The following TPR variants were observed in gnomAD, a reference collection of about 807,000 sequenced individuals.
TPR encodes the protein nucleoprotein TPR.
A neutral mutation model predicts 316.1 loss-of-function variants in TPR; 51 were observed. The observed-to-expected ratio is 0.16, with a 90% CI of 0.13 to 0.20. The LOEUF (loss-of-function observed/expected upper bound fraction) is 0.20, where lower values mean the gene tolerates loss of function less well. Among genes scored for constraint, TPR ranks in the 10% least tolerant of loss-of-function variants. The probability of loss-of-function intolerance (pLI) is 1.00; values close to 1 mark genes in which losing one functional copy is unlikely to be tolerated. For missense variants in TPR, 2,272 were observed against 2,754.8 expected (o/e 0.82, Z 3.92); for synonymous variants, 981 against 914.7 (o/e 1.07, Z -1.31).
chr1:186,347,207 G>A, intron 22 of TPR, 85 bp downstream of exon 22: 1 of 1,427,478 alleles, frequency 7.0e-7, no homozygotes, highest in Non-Finnish European at 9.6e-7. Context: ...TCATACGAGT[G>A]CCTTAAAAAA....
intron 4 of TPR, among the ~76,000 whole-genome samples, chr1:186,367,194 T>C (rs994451787): frequency 1.3e-5 from 2 of 151,378 alleles, no homozygotes; most frequent in Non-Finnish European, 2.9e-5. Flanking sequence ...GCCTACAAAG[T>C]AGCTGGGATT....
intron 22 of TPR, among the ~76,000 whole-genome samples, chr1:186,346,715 C>T (rs1030913837): frequency 6.6e-6 from 1 of 152,004 alleles, no homozygotes; most frequent in Non-Finnish European, 1.5e-5. Context: ...TCCAATCTAC[C>T]ACATTAATTT....
At position 186,327,469 on chromosome 1, in the gene TPR, T is replaced by G. The variant is rs1050421705; in HGVS notation, c.5880A>C (p.Gly1960=). ...TTCAAATCAAACTTACCTCATGTTC[T>G]CCATCATTTTCATCATCATCCTCTT... The part of the protein sequence containing the change: ...DEEEDDDEND[G]EHEDYEEDEE... The change falls in exon 40 of 51, where the codon GGA becomes GGC. Residue 1960 remains glycine (G), a synonymous_variant. Transcript: ENST00000367478. 6.8e-6 allele frequency: 11 copies of G among 1,609,860 alleles called. No homozygotes were observed. The African/African-American group carries it at 1.4e-4, about 20-fold the overall frequency.
At chr1:186,322,706 T>C in intron 43 of TPR, 120 bp from the exon 44 acceptor site, 2 of 978,304 alleles carry the variant, frequency 2.0e-6, no homozygotes, top group Non-Finnish European at 3.1e-6. Context: ...GACAGGTAAT[T>C]AGGACATTTT....
In TPR at chr1:186,374,574, A is replaced by T. The variant is rs944334959; in HGVS notation, c.151+304T>A. Among the ~76,000 whole-genome samples the T allele has an allele frequency of 4.6e-5, 7 of 152,316 alleles. No homozygotes were observed. In the South Asian group the frequency reaches 1.0e-3, roughly 23 times the overall value. On this transcript the variant is annotated intron_variant, in intron 1 of 50. Transcript: ENST00000367478. ...AAAACATATAAGGTACTCTAGGCTT[A>T]GAGAGATGGGTTCGCAGACTCTATC...
chr1:186,364,243 T>C (rs1250287152), intron 4 of TPR, among the ~76,000 whole-genome samples: 1 of 152,222 alleles, frequency 6.6e-6, no homozygotes, highest in Non-Finnish European at 1.5e-5. Flanking sequence ...ATGTTGGAAG[T>C]ACTTCTTCTA....
chr1:186,342,823 T>C (rs980097474), intron 27 of TPR: 6 of 152,240 alleles, frequency 3.9e-5, no homozygotes, highest in African/African-American at 1.4e-4. Context: ...CTACCACAGC[T>C]TCTTTTCCTT....
chr1:186,344,387 C>T lies in TPR; in HGVS notation c.3405G>A (p.Glu1135=). The change falls in exon 25 of 51, where the codon GAG becomes GAA. Residue 1135 remains glutamate, a synonymous_variant. Coordinates refer to ENST00000367478, the MANE Select transcript of TPR (RefSeq NM_003292.3). ...TTTACAATAATACCTTTAACATTCTCTCTCTTTCCTCCCAAGATGCTTTAC... is the reference window on the plus strand; with the variant it reads ...TTTACAATAATACCTTTAACATTCTTTCTCTTTCCTCCCAAGATGCTTTAC... ...LECKASWEER[E]RMLKDEVSKC... 1 of 1,613,686 alleles carries T rather than the reference C, an allele frequency of 6.2e-7. No individual in the cohort carries two copies. The highest frequency in any genetic ancestry group is 1.7e-5 in the Admixed American group (1 of 59,922).
chr1:186,353,947 G>T, intron 17 of TPR, 97 bp from the exon 18 acceptor site: 1 of 1,099,516 alleles, frequency 9.1e-7, no homozygotes, highest in Non-Finnish European at 1.3e-6. Flanking sequence ...TTCCCCAAAT[G>T]CCCTGAGAAT....
intron 20 of TPR, 88 bp downstream of exon 20, chr1:186,351,242 C>T (rs1558021275): frequency 8.6e-6 from 12 of 1,392,668 alleles, no homozygotes; most frequent in Non-Finnish European, 1.0e-5. Context: ...CAAAATCATG[C>T]TTCATCTTGG....
chr1:186,334,662 G>A (rs1658284394), intron 35 of TPR, 129 bp from the exon 36 acceptor site: 3 of 979,336 alleles, frequency 3.1e-6, no homozygotes, highest in Non-Finnish European at 4.4e-6. Flanking sequence ...AAGCTGTTTT[G>A]AATTTAAGCA....
Position 186,313,480 on chromosome 1 carries a change from T to C in TPR, c.*491A>G. The C allele has an allele frequency of 1.9e-6, 1 of 525,950 alleles. No individual in the cohort carries two copies. Among genetic ancestry groups the C allele is most frequent in the Non-Finnish European group, 3.4e-6 (1 of 297,248 alleles). The allele number at this position is 525,950 out of a possible 1,614,324, so 32.6% of individuals were successfully genotyped here. The stretch of plus-strand genomic sequence containing the variant: ...CTGATTTTACAAAAAGATGGTGAAA[T>C]GTCAATCTTTTGAAACATCAAAAAA... On this transcript the variant is annotated 3_prime_UTR_variant, in exon 51 of 51. Transcript: ENST00000367478.
rs539019453 is a variant in TPR, at chr1:186,323,757, G to C, written c.6226C>G (p.Arg2076Gly). The change falls in exon 43 of 51, where the codon CGC (arginine) becomes GGC (glycine). Residue 2076 changes from arginine to glycine, a missense_variant. Arg to Gly is a moderately radical substitution (Grantham distance 125). Coordinates refer to ENST00000367478, the MANE Select transcript of TPR (RefSeq NM_003292.3). ...QAPRAPQSPR[R>G]PPHPLPPRLT... ...CTTGGGGGAAGTGGATGTGGTGGGC[G>C]TCTCGGTGACTGAGGTGCTCGAGGG... 1.9e-6 allele frequency: 3 copies of C among 1,539,286 alleles called. No homozygotes were observed. The highest frequency in any genetic ancestry group is 1.7e-6 in the Non-Finnish European group (2 of 1,153,826).
intron 32 of TPR, 142 bp downstream of exon 32, chr1:186,336,871 C>A: frequency 7.3e-6 from 10 of 1,370,546 alleles, no homozygotes; most frequent in Non-Finnish European, 1.0e-5. Context: ...TTGGGTACTA[C>A]TTACATACAT....
chr1:186,350,431 G>A, intron 20 of TPR, 43 bp from the exon 21 acceptor site: 1 of 1,387,514 alleles, frequency 7.2e-7, no homozygotes, highest in East Asian at 2.5e-5. Context: ...AGGTTCCTAA[G>A]TAACTAAAGG....
intron 6 of TPR, 49 bp from the exon 7 acceptor site, chr1:186,362,429 AT>A (rs1659224074): frequency 7.0e-7 from 1 of 1,430,820 alleles, no homozygotes. Context: ...ATTAACTGAA[AT>A]TACTCTGACA....
chr1:186,355,692 A>G lies in TPR; in HGVS notation c.1965T>C (p.Ala655=). 6.2e-7 allele frequency: 1 copy of G among 1,614,092 alleles called. No homozygotes were observed. ...PSTSQTVSTP[A]PVPVIESTEA... is the part of the protein sequence containing the mutation. The stretch of plus-strand genomic sequence containing the variant: ...CTGTTGATTCAATAACAGGTACTGG[A>G]GCAGGAGTGGAAACAGTCTGTGATG... Residue 655 remains alanine (A), a synonymous_variant, in exon 16 of 51, where the codon GCT becomes GCC. Transcript: ENST00000367478.
chr1:186,344,810 G>A (rs910157811), intron 24 of TPR, among the ~76,000 whole-genome samples: 7 of 152,120 alleles, frequency 4.6e-5, no homozygotes, highest in Admixed American at 1.3e-4. Flanking sequence ...GATATAAGAA[G>A]CTAAACATAA....
Position 186,361,795 on chromosome 1 carries a change from C to T in TPR, c.864G>A (p.Leu288=). 1 of 1,612,996 alleles carries T rather than the reference C, an allele frequency of 6.2e-7. No homozygotes were observed. The highest frequency in any genetic ancestry group is 8.5e-7 in the Non-Finnish European group (1 of 1,179,226). ...TGTGTGGTGGGATATTTACCTTGTACAAATTAGAAAGTTTTATGTGGGCAT... is the reference window on the plus strand; with the variant it reads ...TGTGTGGTGGGATATTTACCTTGTATAAATTAGAAAGTTTTATGTGGGCAT... ...ELNAHIKLSN[L]YKSAADDSEA... is the part of the protein sequence containing the mutation. The change falls in exon 8 of 51, where the codon TTG becomes TTA. Residue 288 remains leucine, a synonymous_variant. Coordinates refer to ENST00000367478, the MANE Select transcript of TPR (RefSeq NM_003292.3).
Sources: allele counts gnomAD v4.1 joint callset (sites outside exome capture counted in the v4.1 genomes callset), GRCh38; gene constraint gnomAD v4.1.1; transcripts MANE v1.5; gene names NCBI Gene and HGNC (gene_info 2026-07-23, HGNC 2026-07-21).